Variants in EXOSC9 observed in about 807,000 individuals in gnomAD.
EXOSC9 encodes exosome complex component RRP45.
EXOSC9 carries 38 observed loss-of-function variants against 56.5 expected under a neutral mutation model. That is an observed-to-expected ratio of 0.67 (90% CI 0.52 to 0.88). The LOEUF is 0.88. Ranked by LOEUF, EXOSC9 falls within the 40% of genes least tolerant of loss-of-function variation. EXOSC9 has a pLI of 0.00. For synonymous variants in EXOSC9, 170 were observed against 170.8 expected (o/e 0.99, Z 0.04); for missense variants, 559 against 530.5 (o/e 1.05, Z -0.53).
At chr4:121,809,932 C>G in intron 6 of EXOSC9, 35 bp from the exon 7 acceptor site, 1 of 1,612,504 alleles carries the variant, frequency 6.2e-7, no homozygotes, top group Non-Finnish European at 8.5e-7. Flanking sequence ...CATTCGGTCT[C>G]AGATTTGTTC....
chr4:121,806,139 G>T (rs1379922881), intron 5 of EXOSC9, among the ~76,000 whole-genome samples: 1 of 146,042 alleles, frequency 6.8e-6, no homozygotes, highest in Admixed American at 7.1e-5. Flanking sequence ...CTTTCAGCAG[G>T]TTTGACCTTG....
At chr4:121,808,551 G>A (rs1727112969) in intron 6 of EXOSC9, among the ~76,000 whole-genome samples, 1 of 151,998 alleles carries the variant, frequency 6.6e-6, no homozygotes, top group African/African-American at 2.4e-5. Flanking sequence ...TTGTAAAAAA[G>A]AGGTTTTGCC....
At chr4:121,804,267 A>T (rs1234003513) in intron 4 of EXOSC9, among the ~76,000 whole-genome samples, 2 of 145,838 alleles carry the variant, frequency 1.4e-5, no homozygotes, top group Admixed American at 6.9e-5. Context: ...TGCCACCTTG[A>T]CCTCCCAAAG....
Position 121,801,325 on chromosome 4 carries a change from A to C in EXOSC9, c.-100A>C, listed in dbSNP as rs1726850450. 3 of 1,179,948 alleles carry C rather than the reference A, an allele frequency of 2.5e-6. No individual in the cohort carries two copies. Among genetic ancestry groups the C allele is most frequent in the Non-Finnish European group, 3.8e-6 (3 of 785,762 alleles). The allele number at this position is 1,179,948 out of a possible 1,614,324, so 73.1% of individuals were successfully genotyped here. On this transcript the variant is annotated 5_prime_UTR_variant, in exon 1 of 12. Transcript: ENST00000243498. ...TTCCGCCGCCGCGCCTTGATGACGT[A>C]ATTTTCCTGCGCCTCGGGGCGAGCA...
chr4:121,804,233 C>T (rs1035949983), intron 4 of EXOSC9, among the ~76,000 whole-genome samples: 1 of 143,404 alleles, frequency 7.0e-6, no homozygotes, highest in South Asian at 2.2e-4. Flanking sequence ...AGGCTGGTCT[C>T]GAACTCCTAG....
intron 8 of EXOSC9, 128 bp downstream of exon 8, chr4:121,811,799 T>C: frequency 2.1e-6 from 1 of 479,280 alleles, no homozygotes; most frequent in South Asian, 4.0e-5. Context: ...AATGGCAATT[T>C]CAATTAAAAT....
chr4:121,811,500 GAAAA>G, intron 7 of EXOSC9, 79 bp from the exon 8 acceptor site: 2 of 719,506 alleles, frequency 2.8e-6, no homozygotes, highest in Admixed American at 6.9e-5. Context: ...TATAAAGGTA[GAAAA>G]ATTTCATGGT....
In EXOSC9 at chr4:121,811,687, A is replaced by G. The variant is rs1195983387; in HGVS notation, c.827+16A>G. ...AAAAAGTAAGGTAAGTAACTTTTCC[A>G]GAACTAAGTGGTCTTTTATTTTCAT... On this transcript the variant is annotated intron_variant, in intron 8 of 11. Transcript: ENST00000243498. 20 of 1,285,970 alleles carry G rather than the reference A, an allele frequency of 1.6e-5. No individual in the cohort carries two copies. The highest frequency in any genetic ancestry group is 4.5e-5 in the African/African-American group (3 of 66,554). The allele number at this position is 1,285,970 out of a possible 1,614,324, so 79.7% of individuals were successfully genotyped here.
chr4:121,805,212 C>T (rs1726984087), intron 5 of EXOSC9, among the ~76,000 whole-genome samples: 1 of 152,188 alleles, frequency 6.6e-6, no homozygotes, highest in Non-Finnish European at 1.5e-5. Flanking sequence ...TCAGAAATAC[C>T]TGGAGGGCTT....
chr4:121,807,854 TACTTATAA>T (rs1727070517), intron 6 of EXOSC9: 2 of 568,414 alleles, frequency 3.5e-6, no homozygotes, highest in Non-Finnish European at 6.2e-6. Flanking sequence ...TTTCATGGGA[TACTTATAA>T]ACTTAGGAAT....
In EXOSC9 at chr4:121,801,952, G is replaced by T. The variant is rs368523607; in HGVS notation, c.161+31G>T. 3.2e-5 allele frequency: 46 copies of T among 1,458,044 alleles called. No homozygotes were observed. The African/African-American group carries it at 6.2e-4, about 20-fold the overall frequency. The allele number at this position is 1,458,044 out of a possible 1,614,324, so 90.3% of individuals were successfully genotyped here. On this transcript the variant is annotated intron_variant, in intron 2 of 11. Coordinates refer to ENST00000243498, the MANE Select transcript of EXOSC9 (RefSeq NM_005033.3). ...AGGATTTAAATGAGATACACATTCG[G>T]AAGGGAGAAGTTTGAAAAAAGACCT...
rs776108137 is a variant in EXOSC9, at chr4:121,802,942, T to C, written c.309T>C (p.Asn103=). 1.9e-6 allele frequency: 3 copies of C among 1,614,022 alleles called. No individual in the cohort carries two copies. The highest frequency in any genetic ancestry group is 2.5e-6 in the Non-Finnish European group (3 of 1,179,886). Reference sequence around the variant, plus strand: ...AGTCAGATCTCTTGGTGAAGTTGAATCGACTCATGGAAAGATGTCTAAGAA... The same window carrying C: ...AGTCAGATCTCTTGGTGAAGTTGAACCGACTCATGGAAAGATGTCTAAGAA... ...GRQSDLLVKL[N]RLMERCLRNS... is the part of the protein sequence containing the mutation. The change falls in exon 4 of 12, where the codon AAT becomes AAC. Residue 103 remains asparagine (N), a synonymous_variant. Coordinates refer to ENST00000243498, the MANE Select transcript of EXOSC9 (RefSeq NM_005033.3).
intron 10 of EXOSC9, chr4:121,815,611 C>T: frequency 1.0e-6 from 1 of 985,314 alleles, no homozygotes; most frequent in Non-Finnish European, 1.2e-6. Context: ...TCATGGTCAG[C>T]CCTGACAGTA....
chr4:121,804,026 A>C (rs1726945996), intron 4 of EXOSC9, among the ~76,000 whole-genome samples: 3 of 152,132 alleles, frequency 2.0e-5, no homozygotes. Context: ...TCTGAGGGAC[A>C]GGGTGACACT....
Position 121,801,462 on chromosome 4 carries a change from T to C in EXOSC9, c.38T>C (p.Phe13Ser), listed in dbSNP as rs748102152. ...CCACTCTCAAACTGCGAACGCCGCTTCCTACTCCGTGCCATCGAAGAGAAG... is the reference window on the plus strand; with the variant it reads ...CCACTCTCAAACTGCGAACGCCGCTCCCTACTCCGTGCCATCGAAGAGAAG... Reference protein sequence around the residue: ...ETPLSNCERRFLLRAIEEKKR... With the variant: ...ETPLSNCERRSLLRAIEEKKR... The change falls in exon 1 of 12, where the codon TTC becomes TCC. Residue 13 changes from phenylalanine to serine, a missense_variant. By Grantham distance (155) the Phe-to-Ser change is radical. Transcript: ENST00000243498. 2.4e-5 allele frequency: 38 copies of C among 1,614,084 alleles called. No homozygotes were observed. The highest frequency in any genetic ancestry group is 5.3e-5 in the African/African-American group (4 of 74,932).
chr4:121,804,040 G>A (rs1578497450), intron 4 of EXOSC9, among the ~76,000 whole-genome samples: 1 of 151,880 alleles, frequency 6.6e-6, no homozygotes, highest in African/African-American at 2.4e-5. Flanking sequence ...TGACACTCTC[G>A]TCCAGGCCGG....
chr4:121,803,060 GTTGATC>G, intron 4 of EXOSC9, 43 bp downstream of exon 4: 4 of 1,278,702 alleles, frequency 3.1e-6, no homozygotes, highest in Non-Finnish European at 4.6e-6. Flanking sequence ...GATGAATACT[GTTGATC>G]ATGGATCCCG....
At chr4:121,812,742 G>A (rs1560627045) in intron 8 of EXOSC9, among the ~76,000 whole-genome samples, 1 of 152,096 alleles carries the variant, frequency 6.6e-6, no homozygotes, top group East Asian at 1.9e-4. Flanking sequence ...CCACCCGCCT[G>A]GGCCTCCCAA....
At chr4:121,801,568 T>C (rs1477921012) in intron 1 of EXOSC9, 78 bp downstream of exon 1, 9 of 1,381,528 alleles carry the variant, frequency 6.5e-6, no homozygotes, top group African/African-American at 1.4e-5. Context: ...CTGGCCCGCC[T>C]GGGCCCGGGG....
Sources: gnomAD v4.1 joint callset for allele counts (sites outside exome capture counted in the v4.1 genomes callset) on GRCh38, gnomAD v4.1.1 for gene constraint, MANE v1.5 for transcripts, NCBI Gene and HGNC (gene_info 2026-07-23, HGNC 2026-07-21) for gene names.